EPHB2: variants seen among roughly 807,000 people sequenced by gnomAD.
EPHB2 encodes EPH receptor B2.
In EPHB2, 18 loss-of-function variants were observed where a neutral mutation model predicts 96.4. The observed-to-expected ratio is 0.19, with a 90% CI of 0.13 to 0.28. The LOEUF is 0.28. EPHB2 is among the 10% of genes least tolerant of loss of function. The probability of loss-of-function intolerance (pLI) is 1.00; values close to 1 mark genes in which losing one functional copy is unlikely to be tolerated. For missense variants in EPHB2, 989 were observed against 1,355.4 expected (o/e 0.73, Z 4.25); for synonymous variants, 506 against 534.1 (o/e 0.95, Z 0.72).
chr1:22,910,588 C>A lies in EPHB2; in HGVS notation c.2696+13C>A. On this transcript the variant is annotated intron_variant, in intron 14 of 15. Transcript: ENST00000374630. The stretch of plus-strand genomic sequence containing the variant: ...CCCTCTCCTCTGGGTAAGGCCCCAC[C>A]CTGGCCCTGCCCCAGCCAGGCCCTG... The A allele has an allele frequency of 1.9e-6, 3 of 1,613,754 alleles. No individual in the cohort carries two copies. Among genetic ancestry groups the A allele is most frequent in the South Asian group, 2.2e-5 (2 of 91,026 alleles).
intron 3 of EPHB2, among the ~76,000 whole-genome samples, chr1:22,822,259 G>T (rs1645162149): frequency 6.6e-6 from 1 of 152,110 alleles, no homozygotes. Flanking sequence ...AAGGCAGGAG[G>T]ATCACTTGAG....
chr1:22,723,962 A>G (rs1643526918), intron 1 of EPHB2, among the ~76,000 whole-genome samples: 1 of 152,248 alleles, frequency 6.6e-6, no homozygotes, highest in Non-Finnish European at 1.5e-5. Flanking sequence ...TGAATCCTAC[A>G]GATGAAAAAA....
intron 1 of EPHB2, among the ~76,000 whole-genome samples, chr1:22,723,404 G>A (rs1027514823): frequency 6.6e-5 from 10 of 152,196 alleles, no homozygotes; most frequent in East Asian, 1.9e-4. Flanking sequence ...CACTCCCCAC[G>A]GCCTCAGATG....
At chr1:22,839,791 G>A (rs1434547702) in intron 3 of EPHB2, among the ~76,000 whole-genome samples, 1 of 152,154 alleles carries the variant, frequency 6.6e-6, no homozygotes, top group East Asian at 1.9e-4. Flanking sequence ...GGACTTGGGA[G>A]GAGAAACTCA....
intron 5 of EPHB2, among the ~76,000 whole-genome samples, chr1:22,874,183 A>T (rs536014268): frequency 3.0e-4 from 46 of 152,334 alleles, no homozygotes; most frequent in South Asian, 2.3e-3. Context: ...TTTGGCTCAC[A>T]TCATCCTCTG....
At chr1:22,908,562 A>G (rs371376976) in intron 12 of EPHB2, among the ~76,000 whole-genome samples, 2 of 152,364 alleles carry the variant, frequency 1.3e-5, no homozygotes, top group South Asian at 4.1e-4. Flanking sequence ...GGAGAGGTAG[A>G]CAGGGCTGGA....
chr1:22,824,684 A>G (rs1291178491), intron 3 of EPHB2, among the ~76,000 whole-genome samples: 1 of 152,268 alleles, frequency 6.6e-6, no homozygotes, highest in Non-Finnish European at 1.5e-5. Context: ...GGGAGCTGAC[A>G]TTAATGAACA....
At chr1:22,764,791 G>A (rs955074280) in intron 1 of EPHB2, among the ~76,000 whole-genome samples, 1 of 151,938 alleles carries the variant, frequency 6.6e-6, no homozygotes, top group Non-Finnish European at 1.5e-5. Flanking sequence ...GGGATGTGCC[G>A]CTGGATAGGC....
At chr1:22,908,912 G>T (rs561403336) in intron 12 of EPHB2, 110 bp from the exon 13 acceptor site, 75 of 1,519,276 alleles carry the variant, frequency 4.9e-5, no homozygotes, top group Non-Finnish European at 6.3e-5. Context: ...GGGGCACAAT[G>T]AGGTGCCTCA....
intron 3 of EPHB2, among the ~76,000 whole-genome samples, chr1:22,851,535 G>C (rs555998829): frequency 6.6e-6 from 1 of 152,172 alleles, no homozygotes; most frequent in Admixed American, 6.5e-5. Context: ...AGCATAGCTG[G>C]GCTGCAACCC....
At position 22,863,075 on chromosome 1, in the gene EPHB2, G is replaced by A; in HGVS notation, c.850G>A (p.Glu284Lys). The A allele has an allele frequency of 1.9e-6, 3 of 1,614,228 alleles. No homozygotes were observed. Among genetic ancestry groups the A allele is most frequent in the South Asian group, 1.1e-5 (1 of 91,084 alleles). ...SGTFKANQGD[E>K]ACTHCPINSR... is the part of the protein sequence containing the mutation. ...GACTTTCAAGGCCAACCAAGGGGAT[G>A]AGGCCTGTACCCACTGTCCCATCAA... The change falls in exon 4 of 16, where the codon GAG becomes AAG. Residue 284 changes from glutamate to lysine, a missense_variant. Glu to Lys is a moderately conservative substitution (Grantham distance 56). Transcript: ENST00000374630.
At chr1:22,780,235 G>A (rs576007532) in intron 1 of EPHB2, among the ~76,000 whole-genome samples, 2 of 152,338 alleles carry the variant, frequency 1.3e-5, no homozygotes, top group East Asian at 3.9e-4. Context: ...ACCTGACCTG[G>A]GGAGAATGGG....
At chr1:22,776,858 A>G (rs1398071812) in intron 1 of EPHB2, among the ~76,000 whole-genome samples, 1 of 152,224 alleles carries the variant, frequency 6.6e-6, no homozygotes. Context: ...CGTATGCTCA[A>G]GTCTGGCAGA....
rs1298883975 is a variant in EPHB2, at chr1:22,846,437, GA to G, written c.812-16596del. Among the ~76,000 whole-genome samples the G allele has an allele frequency of 1.3e-5, 1 of 74,874 alleles. No individual in the cohort carries two copies. Among genetic ancestry groups the G allele is most frequent in the Non-Finnish European group, 3.6e-5 (1 of 27,854 alleles). 49.1% of individuals were successfully genotyped at this position (74,874 alleles called of 152,430 possible). ...ACTCTGTCTCAAAAAAAAAAAAAAA[GA>G]AAAGAAAGTCCTAGGTCAGGGACCG... On this transcript the variant is annotated intron_variant, in intron 3 of 15. Coordinates refer to ENST00000374630, the MANE Select transcript of EPHB2 (RefSeq NM_017449.5). This position sits in a 1 kb window ranked among gnomAD's most constrained non-coding sequence, Gnocchi z 4.3.
At chr1:22,823,165 G>A (rs765616947) in intron 3 of EPHB2, among the ~76,000 whole-genome samples, 4 of 152,158 alleles carry the variant, frequency 2.6e-5, no homozygotes, top group South Asian at 4.2e-4. Context: ...GACCCACCAC[G>A]GCTCCCAAAA....
intron 5 of EPHB2, among the ~76,000 whole-genome samples, chr1:22,865,716 T>C (rs1373147385): frequency 2.0e-5 from 3 of 152,214 alleles, no homozygotes; most frequent in Non-Finnish European, 4.4e-5. Context: ...AGCATCTTTC[T>C]CTTTTGCATG....
At chr1:22,728,975 G>A (rs879289463) in intron 1 of EPHB2, among the ~76,000 whole-genome samples, 1 of 152,224 alleles carries the variant, frequency 6.6e-6, no homozygotes, top group Non-Finnish European at 1.5e-5. Context: ...CACGCGGCGG[G>A]CCAGGCTGCC....
chr1:22,866,330 T>G (rs1002047790), intron 5 of EPHB2, among the ~76,000 whole-genome samples: 1 of 151,964 alleles, frequency 6.6e-6, no homozygotes, highest in Non-Finnish European at 1.5e-5. Flanking sequence ...TGATGTAGGG[T>G]GGGGCCCACA....
chr1:22,863,338 G>A, intron 4 of EPHB2, 146 bp downstream of exon 4: 3 of 1,351,498 alleles, frequency 2.2e-6, no homozygotes, highest in Non-Finnish European at 3.1e-6. Flanking sequence ...CAAGAAAGGG[G>A]CATCCTGGGG....
Sources: gnomAD v4.1 joint callset for allele counts (sites outside exome capture counted in the v4.1 genomes callset) on GRCh38, gnomAD v4.1.1 for gene constraint, Gnocchi (gnomAD v3.1) non-coding constraint, MANE v1.5 for transcripts, NCBI Gene and HGNC (gene_info 2026-07-23, HGNC 2026-07-21) for gene names.